ESCO1: variants seen among roughly 807,000 people sequenced by gnomAD.
ESCO1 encodes the protein N-acetyltransferase ESCO1.
Under a neutral mutation model 83.5 loss-of-function variants are expected in ESCO1, and 33 were observed. That is an observed-to-expected ratio of 0.40 (90% CI 0.30 to 0.53). The LOEUF (loss-of-function observed/expected upper bound fraction) is 0.53. ESCO1 is among the 20% of genes least tolerant of loss of function. ESCO1 has a pLI of 0.63. For missense variants in ESCO1, 855 were observed against 968.0 expected (o/e 0.88, Z 1.55); for synonymous variants, 332 against 324.3 (o/e 1.02, Z -0.25).
chr18:21,581,931 G>GA lies in ESCO1; in HGVS notation c.-694+2378dup, dbSNP rs1217784864. Among the ~76,000 whole-genome samples, 78 of 144,908 alleles carry GA rather than the reference G, an allele frequency of 5.4e-4. 4 individuals are homozygous for GA. The highest frequency in any genetic ancestry group is 2.2e-4 in the South Asian group (1 of 4,486). On this transcript the variant is annotated intron_variant, in intron 2 of 11. Transcript: ENST00000269214. ...CTCATCTATACTAAAAAAAAAAAAA[G>GA]AAAAAAAAAATCAGCCAGGTGTGGT...
At position 21,564,306 on chromosome 18, in the gene ESCO1, C is replaced by A. The variant is rs200657231; in HGVS notation, c.1718G>T (p.Arg573Leu). The A allele has an allele frequency of 1.2e-6, 2 of 1,604,394 alleles. No homozygotes were observed. The highest frequency in any genetic ancestry group is 1.1e-5 in the South Asian group (1 of 89,396). ...ATTACACTTAGGCAAAGAATGATTT[C>A]GTGGTGTCTCCCTTAAAAAAAATAA... ...SKSSDNRETP[R>L]NHSLPKCNSH... Residue 573 changes from arginine (R) to leucine (L), a missense_variant, in exon 7 of 12, where the codon CGA (arginine) becomes CTA (leucine). Transcript: ENST00000269214.
intron 2 of ESCO1, among the ~76,000 whole-genome samples, chr18:21,579,079 C>T (rs1338038701): frequency 6.6e-6 from 1 of 152,104 alleles, no homozygotes; most frequent in East Asian, 1.9e-4. Context: ...CCAGGCGGGT[C>T]CCGAACTCCT....
At chr18:21,586,539 C>A (rs1009406385) in intron 1 of ESCO1, among the ~76,000 whole-genome samples, 2 of 152,078 alleles carry the variant, frequency 1.3e-5, no homozygotes, top group African/African-American at 4.8e-5. Context: ...TCTTAATTTC[C>A]TTTTTGGATG....
intron 8 of ESCO1, among the ~76,000 whole-genome samples, chr18:21,545,416 T>C (rs1362896984): frequency 6.8e-6 from 1 of 147,702 alleles, no homozygotes; most frequent in Non-Finnish European, 1.5e-5. Context: ...CTACTAAAAA[T>C]ACAAAAATTA....
chr18:21,582,037 G>A (rs765651464), intron 2 of ESCO1, among the ~76,000 whole-genome samples: 7 of 151,998 alleles, frequency 4.6e-5, no homozygotes, highest in African/African-American at 7.2e-5. Flanking sequence ...TCAGTGAGCC[G>A]TGATTATGCC....
At chr18:21,534,982 G>T (rs149221822) in intron 10 of ESCO1, among the ~76,000 whole-genome samples, 159 of 152,114 alleles carry the variant, frequency 1.0e-3, no homozygotes, top group African/African-American at 3.7e-3. Flanking sequence ...AGTCCACCTG[G>T]TCTCTGTTGC....
At chr18:21,549,625 G>A (rs368893633) in intron 8 of ESCO1, among the ~76,000 whole-genome samples, 11 of 151,920 alleles carry the variant, frequency 7.2e-5, no homozygotes, top group South Asian at 2.1e-4. Context: ...ATGTTGGTCC[G>A]GTTGGTTTCA....
At chr18:21,594,161 T>A (rs2038726717) in intron 1 of ESCO1, among the ~76,000 whole-genome samples, 1 of 152,170 alleles carries the variant, frequency 6.6e-6, no homozygotes, top group African/African-American at 2.4e-5. Context: ...AAAATCACCC[T>A]GGGTTGAGAC....
At chr18:21,535,199 A>C (rs1396823159) in intron 10 of ESCO1, among the ~76,000 whole-genome samples, 6 of 152,026 alleles carry the variant, frequency 3.9e-5, no homozygotes, top group Non-Finnish European at 1.5e-5. Context: ...TTCCAAAATA[A>C]ACTTTGATAG....
chr18:21,544,940 A>T (rs1363549598), intron 8 of ESCO1, among the ~76,000 whole-genome samples: 1 of 152,236 alleles, frequency 6.6e-6, no homozygotes, highest in Non-Finnish European at 1.5e-5. Flanking sequence ...TAAAGTAGTG[A>T]CTGTAACAGG....
intron 2 of ESCO1, among the ~76,000 whole-genome samples, chr18:21,578,109 A>G (rs1237870510): frequency 1.3e-5 from 2 of 152,208 alleles, no homozygotes; most frequent in Admixed American, 1.3e-4. Flanking sequence ...ATCCAAATAC[A>G]TACAATTTCC....
At position 21,589,695 on chromosome 18, in the gene ESCO1, G is replaced by C. The variant is rs192675881; in HGVS notation, c.-824-5255C>G. Among the ~76,000 whole-genome samples, 15 of 152,318 alleles carry C rather than the reference G, an allele frequency of 9.8e-5. No homozygotes were observed. In the South Asian group the frequency reaches 2.3e-3, roughly 23 times the overall value. Reference sequence around the variant, plus strand: ...TTCTCTTCTGGGACAACAGAGTAGAGAGTAAGTTCTCAGCAATACTTAGCT... The same window carrying C: ...TTCTCTTCTGGGACAACAGAGTAGACAGTAAGTTCTCAGCAATACTTAGCT... On this transcript the variant is annotated intron_variant, in intron 1 of 11. Coordinates refer to ENST00000269214, the MANE Select transcript of ESCO1 (RefSeq NM_052911.3).
At chr18:21,540,626 G>A (rs1419779132) in intron 8 of ESCO1, 6 of 1,343,694 alleles carry the variant, frequency 4.5e-6, no homozygotes, top group African/African-American at 4.5e-5. Flanking sequence ...TGTATCTGAA[G>A]TTAAACATAC....
At chr18:21,578,662 C>A (rs1277465020) in intron 2 of ESCO1, among the ~76,000 whole-genome samples, 4 of 151,690 alleles carry the variant, frequency 2.6e-5, no homozygotes, top group Non-Finnish European at 5.9e-5. Context: ...CCAGACCAGA[C>A]TGAGTAACAG....
At chr18:21,581,314 C>A (rs568116594) in intron 2 of ESCO1, among the ~76,000 whole-genome samples, 1 of 151,262 alleles carries the variant, frequency 6.6e-6, no homozygotes, top group East Asian at 1.9e-4. Context: ...CAGCGAGAAT[C>A]CATCTCAAAA....
chr18:21,560,428 A>C (rs2038167594), intron 8 of ESCO1, among the ~76,000 whole-genome samples: 1 of 151,864 alleles, frequency 6.6e-6, no homozygotes, highest in African/African-American at 2.4e-5. Flanking sequence ...AACAAAGAGA[A>C]GGTAAAGGAA....
chr18:21,567,904 A>G lies in ESCO1; in HGVS notation c.1645+76T>C, dbSNP rs1161817289. On this transcript the variant is annotated intron_variant, in intron 5 of 11. Transcript: ENST00000269214. ...AAAGAATTTAACAACCCTATTTGGT[A>G]TATAACATTTTCTGTAATACTGACA... The G allele has an allele frequency of 8.7e-6, 9 of 1,029,796 alleles. No homozygotes were observed. In the East Asian group the frequency reaches 1.9e-4, roughly 22 times the overall value. The allele number at this position is 1,029,796 out of a possible 1,614,324, so 63.8% of individuals were successfully genotyped here. A position where few individuals can be genotyped will look rare whatever the true frequency, so the allele number is the denominator to read the frequency against.
chr18:21,549,320 A>G (rs2038014764), intron 8 of ESCO1, among the ~76,000 whole-genome samples: 1 of 152,196 alleles, frequency 6.6e-6, no homozygotes, highest in Non-Finnish European at 1.5e-5. Flanking sequence ...CAACACACTA[A>G]GGACAGCAGA....
chr18:21,557,299 A>G (rs1002433793), intron 8 of ESCO1, among the ~76,000 whole-genome samples: 1 of 152,194 alleles, frequency 6.6e-6, no homozygotes, highest in Admixed American at 6.5e-5. Context: ...TTATCCACAA[A>G]AATCCTGATT....
Sources: gnomAD v4.1 joint callset for allele counts (sites outside exome capture counted in the v4.1 genomes callset) on GRCh38, gnomAD v4.1.1 for gene constraint, MANE v1.5 for transcripts, NCBI Gene and HGNC (gene_info 2026-07-23, HGNC 2026-07-21) for gene names.